The following TUSC3 variants were observed in gnomAD, a reference collection of about 807,000 sequenced individuals.
TUSC3 encodes the protein dolichyl-diphosphooligosaccharide--protein glycosyltransferase subunit TUSC3.
Under a neutral mutation model 44.8 loss-of-function variants are expected in TUSC3, and 45 were observed. That is an observed-to-expected ratio of 1.00 (90% CI 0.79 to 1.29). TUSC3 has a LOEUF of 1.29. Among genes scored for constraint, TUSC3 ranks in the 50% most tolerant of loss-of-function variants. The pLI is 0.00. For missense variants in TUSC3, 519 were observed against 437.9 expected, an observed-to-expected ratio of 1.19 and a Z score of -1.65; for synonymous variants, 212 against 152.9, an observed-to-expected ratio of 1.39 and a Z score of -2.85.
the TUSC3 span, among the ~76,000 whole-genome samples, chr8:15,817,252 G>C: frequency 2.0e-5 from 3 of 151,992 alleles, no homozygotes; most frequent in South Asian, 4.1e-4. Flanking sequence ...TCCATATTTA[G>C]GTTCTTCATG....
chr8:15,527,817 A>C (rs897355474), intron 2 of TUSC3, among the ~76,000 whole-genome samples: 6 of 152,172 alleles, frequency 3.9e-5, no homozygotes, highest in South Asian at 4.1e-4. Context: ...CTTCACTTAA[A>C]ATGCTTTTTC....
chr8:15,641,398 G>T (rs1427292279), intron 2 of TUSC3, among the ~76,000 whole-genome samples: 3 of 149,436 alleles, frequency 2.0e-5, no homozygotes, highest in South Asian at 4.2e-4. Flanking sequence ...GCATTGAGAA[G>T]AAGGAAGGAA....
chr8:15,567,197 A>T (rs1802709733), intron 1 of TUSC3, among the ~76,000 whole-genome samples: 1 of 152,166 alleles, frequency 6.6e-6, no homozygotes, highest in South Asian at 2.1e-4. Flanking sequence ...TTAATGAAGG[A>T]ACTGAAAAAC....
chr8:15,435,014 A>G (rs1479096399), intron 1 of TUSC3, among the ~76,000 whole-genome samples: 1 of 148,284 alleles, frequency 6.7e-6, no homozygotes, highest in Non-Finnish European at 1.5e-5. Flanking sequence ...ATGTGTCTTT[A>G]TAGCAGCATG....
chr8:15,613,910 T>A (rs1333122404), intron 1 of TUSC3, among the ~76,000 whole-genome samples: 1 of 152,110 alleles, frequency 6.6e-6, no homozygotes, highest in Non-Finnish European at 1.5e-5. Context: ...ACAGAGAAGT[T>A]TGAATTAGGC....
chr8:15,806,268 G>A, the TUSC3 span: 7 of 615,784 alleles, frequency 1.1e-5, no homozygotes, highest in Middle Eastern at 8.7e-4. Context: ...TGGCAGTCTG[G>A]GGATGTTCTC....
chr8:15,818,525 C>T, the TUSC3 span, among the ~76,000 whole-genome samples: 2 of 152,182 alleles, frequency 1.3e-5, no homozygotes, highest in Admixed American at 1.3e-4. Context: ...TTCCACTCAG[C>T]CACTGCATTA....
chr8:15,614,668 A>G (rs1002114523), intron 1 of TUSC3, among the ~76,000 whole-genome samples: 7 of 152,142 alleles, frequency 4.6e-5, no homozygotes, highest in African/African-American at 1.7e-4. Context: ...TGGACCTACC[A>G]TATTTTGTCT....
chr8:15,575,900 C>T (rs900120705), intron 1 of TUSC3, among the ~76,000 whole-genome samples: 1 of 151,996 alleles, frequency 6.6e-6, no homozygotes, highest in Non-Finnish European at 1.5e-5. Flanking sequence ...ATGAATTTTA[C>T]ATTGGGGAAA....
At chr8:15,807,150 GCAAT>G in the TUSC3 span, 2 of 893,120 alleles carry the variant, frequency 2.2e-6, no homozygotes, top group Middle Eastern at 2.2e-4. Context: ...ACTTGGCAAA[GCAAT>G]CACAGCCGTA....
intron 1 of TUSC3, among the ~76,000 whole-genome samples, chr8:15,561,303 A>C (rs1802450147): frequency 6.8e-6 from 1 of 148,060 alleles, no homozygotes; most frequent in Non-Finnish European, 1.5e-5. Context: ...GGTGCCTCCC[A>C]GTTCGGCTGC....
At chr8:15,754,036 A>G (rs1420254242) in intron 9 of TUSC3, among the ~76,000 whole-genome samples, 3 of 152,090 alleles carry the variant, frequency 2.0e-5, no homozygotes, top group Non-Finnish European at 2.9e-5. Context: ...TTGTTAAAGA[A>G]TATTTTGGTA....
the TUSC3 span, among the ~76,000 whole-genome samples, chr8:15,848,317 G>A: frequency 6.6e-6 from 1 of 152,206 alleles, no homozygotes; most frequent in African/African-American, 2.4e-5. Context: ...ACTGTAGAAT[G>A]TGCTGACAAT....
At chr8:15,651,675 C>T (rs1318473046) in intron 3 of TUSC3, among the ~76,000 whole-genome samples, 1 of 152,206 alleles carries the variant, frequency 6.6e-6, no homozygotes. Flanking sequence ...GCACCTTCCT[C>T]TTGGACTTTG....
At chr8:15,483,228 C>T (rs1195040993) in intron 1 of TUSC3, among the ~76,000 whole-genome samples, 2 of 152,112 alleles carry the variant, frequency 1.3e-5, no homozygotes, top group Admixed American at 6.6e-5. Flanking sequence ...GAATATACTT[C>T]TAATTTTCAG....
intron 7 of TUSC3, among the ~76,000 whole-genome samples, chr8:15,732,620 A>C (rs554552484): frequency 2.0e-5 from 3 of 152,340 alleles, no homozygotes; most frequent in South Asian, 4.1e-4. Flanking sequence ...CTTGAAATGT[A>C]AACATTGAAA....
intron 2 of TUSC3, among the ~76,000 whole-genome samples, chr8:15,642,753 T>C (rs1352835269): frequency 6.6e-6 from 1 of 152,180 alleles, no homozygotes; most frequent in Non-Finnish European, 1.5e-5. Context: ...GGGCATGTTA[T>C]CATAAACAAG....
At chr8:15,503,408 C>T (rs1465056032) in intron 2 of TUSC3, among the ~76,000 whole-genome samples, 1 of 152,140 alleles carries the variant, frequency 6.6e-6, no homozygotes, top group Non-Finnish European at 1.5e-5. Context: ...AAAACTAATA[C>T]TTGACATACT....
At chr8:15,806,856 T>A in the TUSC3 span, 1 of 1,057,284 alleles carries the variant, frequency 9.5e-7, no homozygotes, top group Non-Finnish European at 1.5e-6. Flanking sequence ...AGAGTCTTCA[T>A]AGTTAATGAA....
Sources: allele counts gnomAD v4.1 joint callset (sites outside exome capture counted in the v4.1 genomes callset), GRCh38; gene constraint gnomAD v4.1.1; transcripts MANE v1.5; gene names NCBI Gene and HGNC (gene_info 2026-07-23, HGNC 2026-07-21).